The following PROM1 variants were observed in gnomAD, a reference collection of about 807,000 sequenced individuals.
The protein encoded by PROM1 is prominin-1.
A neutral mutation model predicts 116.9 loss-of-function variants in PROM1; 105 were observed. That is an observed-to-expected ratio of 0.90 (90% CI 0.77 to 1.06). PROM1 has a LOEUF of 1.06. PROM1 is among the 50% of genes least tolerant of loss of function. The probability of loss-of-function intolerance (pLI) is 0.00; values close to 1 mark genes in which losing one functional copy is unlikely to be tolerated. For synonymous variants in PROM1, 393 were observed against 387.0 expected (o/e 1.02, Z -0.18); for missense variants, 1,122 against 1,045.2 (o/e 1.07, Z -1.01).
At chr4:16,018,249 G>A (rs1348971420) in intron 9 of PROM1, 74 bp downstream of exon 9, 21 of 1,437,900 alleles carry the variant, frequency 1.5e-5, no homozygotes, top group Non-Finnish European at 2.0e-5. Context: ...CACTGGATAG[G>A]TCACCCACGC....
intron 3 of PROM1, among the ~76,000 whole-genome samples, chr4:16,037,661 C>G (rs1019820807): frequency 6.6e-6 from 1 of 152,146 alleles, no homozygotes; most frequent in African/African-American, 2.4e-5. Flanking sequence ...GCCTTCAAAC[C>G]AGGAAAGGAA....
chr4:16,043,035 C>T (rs1275520674), intron 2 of PROM1, among the ~76,000 whole-genome samples: 1 of 152,164 alleles, frequency 6.6e-6, no homozygotes, highest in African/African-American at 2.4e-5. Flanking sequence ...GGTTTATTAT[C>T]GTTCTTTTTA....
At position 16,000,622 on chromosome 4, in the gene PROM1, G is replaced by A; in HGVS notation, c.1455-3C>T. 3 of 1,538,804 alleles carry A rather than the reference G, an allele frequency of 1.9e-6. No homozygotes were observed. Among genetic ancestry groups the A allele is most frequent in the Non-Finnish European group, 2.7e-6 (3 of 1,130,018 alleles). On this transcript the variant is annotated splice_polypyrimidine_tract_variant and splice_region_variant and intron_variant, in intron 13 of 27. Transcript: ENST00000447510. Reference sequence around the variant, plus strand: ...AGAGGAAACTTAATCCAACTCCACTGGAAAAAAATATAAAGTTAGTAATTC... The same window carrying A: ...AGAGGAAACTTAATCCAACTCCACTAGAAAAAAATATAAAGTTAGTAATTC...
At chr4:16,083,335 A>G (rs1304579266) in intron 1 of PROM1, 2 of 146,728 alleles carry the variant, frequency 1.4e-5, no homozygotes, top group East Asian at 2.2e-4. Flanking sequence ...GCCGCCGGCT[A>G]CCCCCACCCC....
chr4:16,003,087 A>C (rs1664832565), intron 13 of PROM1, among the ~76,000 whole-genome samples: 1 of 152,210 alleles, frequency 6.6e-6, no homozygotes, highest in African/African-American at 2.4e-5. Flanking sequence ...TGATTTGCAC[A>C]GTTAGGATAA....
intron 26 of PROM1, among the ~76,000 whole-genome samples, chr4:15,977,619 GAC>G (rs1002656129): frequency 1.5e-4 from 23 of 152,252 alleles, no homozygotes; most frequent in African/African-American, 5.5e-4. Context: ...TTTATTTAGA[GAC>G]AGAGTCTCCC....
rs1015868143 is a variant in PROM1, at chr4:16,069,256, C to A, written c.220+6431G>T. On this transcript the variant is annotated intron_variant, in intron 2 of 27. Transcript: ENST00000447510. Reference sequence around the variant, plus strand: ...CCTCGAAAAAAACAAAAAACAAAAACCAAAACAAAACAGGGCAGAGAATAA... The same window carrying A: ...CCTCGAAAAAAACAAAAAACAAAAAACAAAACAAAACAGGGCAGAGAATAA... Among the ~76,000 whole-genome samples, 8 of 152,126 alleles carry A rather than the reference C, an allele frequency of 5.3e-5. No homozygotes were observed. In the East Asian group the frequency reaches 1.2e-3, roughly 22 times the overall value.
chr4:15,971,096 A>T lies in PROM1; in HGVS notation c.2583-14T>A. The stretch of plus-strand genomic sequence containing the variant: ...TGTTGTGATGGGCTAAAAAACAAAA[A>T]AATAAAGAAATATAATACCCCCAAC... On this transcript the variant is annotated splice_polypyrimidine_tract_variant and intron_variant, in intron 26 of 27. Transcript: ENST00000447510. 6.4e-7 allele frequency: 1 copy of T among 1,555,172 alleles called. No homozygotes were observed.
intron 22 of PROM1, 166 bp downstream of exon 22, chr4:15,985,594 C>A (rs187841070): frequency 7.7e-6 from 5 of 645,226 alleles, no homozygotes; most frequent in South Asian, 5.4e-5. Context: ...TGTCCTCTGA[C>A]CTGGTGGGAA....
At position 15,979,804 on chromosome 4, in the gene PROM1, AT is replaced by A. The variant is rs1717288189; in HGVS notation, c.2513+76del. The A allele has an allele frequency of 6.4e-6, 8 of 1,249,622 alleles. No individual in the cohort carries two copies. In the South Asian group the frequency reaches 9.8e-5, roughly 15 times the overall value. 77.4% of individuals were successfully genotyped at this position (1,249,622 alleles called of 1,614,324 possible). On this transcript the variant is annotated intron_variant, in intron 25 of 27. Coordinates refer to ENST00000447510, the MANE Select transcript of PROM1 (RefSeq NM_006017.3). Reference sequence around the variant, plus strand: ...ATAATTTTAAGATGTTAATAACTTAATTTTTAAAGTCCATTACATAATAATA... The same window carrying A: ...ATAATTTTAAGATGTTAATAACTTAATTTTAAAGTCCATTACATAATAATA...
intron 2 of PROM1, among the ~76,000 whole-genome samples, chr4:16,040,774 A>G (rs1027873330): frequency 2.0e-5 from 3 of 152,216 alleles, no homozygotes; most frequent in Admixed American, 6.5e-5. Context: ...CATGGTATAT[A>G]CCTGCTATCA....
chr4:16,032,150 CTT>C (rs112233749), intron 5 of PROM1, among the ~76,000 whole-genome samples: 2 of 148,476 alleles, frequency 1.3e-5, no homozygotes, highest in Non-Finnish European at 3.0e-5. Flanking sequence ...CCTTCCTGAT[CTT>C]TTTTTTTTTT....
intron 15 of PROM1, among the ~76,000 whole-genome samples, chr4:15,997,652 A>G (rs575446885): frequency 6.6e-6 from 1 of 152,030 alleles, no homozygotes; most frequent in African/African-American, 2.4e-5. Flanking sequence ...TTTAGTAGAG[A>G]TGGGATTTCA....
In PROM1 at chr4:15,970,339, G is replaced by A. The variant is rs150220633; in HGVS notation, c.*24+704C>T. On this transcript the variant is annotated intron_variant, in intron 27 of 27. Coordinates refer to ENST00000447510, the MANE Select transcript of PROM1 (RefSeq NM_006017.3). ...ATTACAGGGGCCCCCCACCACACCC[G>A]GCTAACTTTTTTTAGTAGAGACAGG... Among the ~76,000 whole-genome samples the A allele has an allele frequency of 3.4e-3, 518 of 150,776 alleles. 11 individuals are homozygous for A. In the East Asian group the frequency reaches 0.057, roughly 16 times the overall value.
intron 2 of PROM1, among the ~76,000 whole-genome samples, chr4:16,045,927 C>T (rs1009055486): frequency 1.3e-5 from 2 of 152,192 alleles, no homozygotes; most frequent in African/African-American, 2.4e-5. Context: ...TCCAATAAGC[C>T]TACCAACTGA....
chr4:16,007,720 G>T (rs1053013465), intron 12 of PROM1, among the ~76,000 whole-genome samples: 1 of 152,206 alleles, frequency 6.6e-6, no homozygotes, highest in African/African-American at 2.4e-5. Context: ...TGGCAGTCAG[G>T]TAGACAGGTA....
At chr4:16,015,559 G>A (rs918203042) in intron 10 of PROM1, among the ~76,000 whole-genome samples, 5 of 151,372 alleles carry the variant, frequency 3.3e-5, no homozygotes, top group South Asian at 4.2e-4. Flanking sequence ...GCATGTTGGC[G>A]CACAGCTGTG....
At chr4:16,059,502 G>A (rs957875254) in intron 2 of PROM1, among the ~76,000 whole-genome samples, 2 of 152,136 alleles carry the variant, frequency 1.3e-5, no homozygotes, top group Non-Finnish European at 2.9e-5. Flanking sequence ...CCAGGAGTTC[G>A]AGACCAGCCT....
At chr4:16,008,249 C>T (rs1165891997) in intron 12 of PROM1, among the ~76,000 whole-genome samples, 2 of 152,208 alleles carry the variant, frequency 1.3e-5, no homozygotes, top group African/African-American at 2.4e-5. Context: ...TTACCTAATA[C>T]ATGATCCTCT....
Sources: gnomAD v4.1 joint callset for allele counts (sites outside exome capture counted in the v4.1 genomes callset) on GRCh38, gnomAD v4.1.1 for gene constraint, MANE v1.5 for transcripts, NCBI Gene and HGNC (gene_info 2026-07-23, HGNC 2026-07-21) for gene names.